Variants in DAB1 observed in about 807,000 individuals in gnomAD.
DAB1 encodes the protein DAB adaptor protein 1.
A neutral mutation model predicts 64.6 loss-of-function variants in DAB1; 15 were observed. That is an observed-to-expected ratio of 0.23 (90% CI 0.16 to 0.36). The LOEUF (loss-of-function observed/expected upper bound fraction) is 0.36, where lower values mean the gene tolerates loss of function less well. Ranked by LOEUF, DAB1 falls within the 10% of genes least tolerant of loss-of-function variation. DAB1 has a pLI of 1.00. For missense variants in DAB1, 596 were observed against 706.7 expected (o/e 0.84, Z 1.78); for synonymous variants, 235 against 251.9 (o/e 0.93, Z 0.64).
chr1:57,161,648 C>T (rs1286064119), intron 2 of DAB1, among the ~76,000 whole-genome samples: 1 of 152,016 alleles, frequency 6.6e-6, no homozygotes, highest in African/African-American at 2.4e-5. Context: ...TATTTCAGTT[C>T]TTTTAAACAA....
intron 5 of DAB1, among the ~76,000 whole-genome samples, chr1:57,951,382 T>C (rs1352435600): frequency 7.2e-6 from 1 of 138,802 alleles, no homozygotes; most frequent in Non-Finnish European, 1.6e-5. Context: ...CTAGATATTC[T>C]TTTTCCTTGC....
At chr1:57,202,993 G>A (rs1213691718) in intron 2 of DAB1, among the ~76,000 whole-genome samples, 1 of 152,190 alleles carries the variant, frequency 6.6e-6, no homozygotes, top group African/African-American at 2.4e-5. Context: ...ATGCATGTTA[G>A]TAACTCCTGA....
chr1:58,395,374 C>G (rs889381417), intron 3 of DAB1, among the ~76,000 whole-genome samples: 9 of 152,166 alleles, frequency 5.9e-5, no homozygotes, highest in African/African-American at 1.9e-4. Context: ...GCAAGTCACT[C>G]CCTTTCTCTG....
intron 7 of DAB1, among the ~76,000 whole-genome samples, chr1:57,476,943 G>T (rs1275769003): frequency 6.6e-6 from 1 of 152,180 alleles, no homozygotes; most frequent in Non-Finnish European, 1.5e-5. Context: ...TAATGGGTCT[G>T]TCACCTTCCA....
Position 57,250,124 on chromosome 1 carries a change from A to G in DAB1, c.67+40840T>C, listed in dbSNP as rs144705305. Among the ~76,000 whole-genome samples, 1,073 of 152,318 alleles carry G rather than the reference A, an allele frequency of 7.0e-3. 5 individuals are homozygous for G. The highest frequency in any genetic ancestry group is 0.014 in the Admixed American group (207 of 15,298). On this transcript the variant is annotated intron_variant, in intron 2 of 14. Coordinates refer to ENST00000371236, the MANE Select transcript of DAB1 (RefSeq NM_001365792.1). The stretch of plus-strand genomic sequence containing the variant: ...GGAAATCAAATCCCAAAGAAATAAA[A>G]GTGCTTGCCCAAGACCACAGAACTA...
At chr1:57,135,849 A>C (rs1658034638) in intron 4 of DAB1, among the ~76,000 whole-genome samples, 1 of 152,276 alleles carries the variant, frequency 6.6e-6, no homozygotes, top group East Asian at 1.9e-4. Context: ...ACACTGAATA[A>C]ATATAAGGAA....
chr1:58,516,160 C>G (rs1226726177), intron 2 of DAB1, among the ~76,000 whole-genome samples: 2 of 152,092 alleles, frequency 1.3e-5, no homozygotes, highest in Non-Finnish European at 2.9e-5. Flanking sequence ...ATCAATAATT[C>G]CCCCCACTTC....
At chr1:58,072,087 G>GT (rs920787020) in intron 5 of DAB1, among the ~76,000 whole-genome samples, 3 of 128,612 alleles carry the variant, frequency 2.3e-5, no homozygotes, top group African/African-American at 5.6e-5. Context: ...TGGTGGGGTG[G>GT]GGGGGGGTGG....
At chr1:57,123,662 A>G (rs1251132519) in intron 4 of DAB1, among the ~76,000 whole-genome samples, 1 of 152,138 alleles carries the variant, frequency 6.6e-6, no homozygotes, top group East Asian at 1.9e-4. Flanking sequence ...TACAGATAAA[A>G]CCTGCATGGC....
chr1:57,278,755 G>A (rs188328143), intron 2 of DAB1, among the ~76,000 whole-genome samples: 19 of 152,138 alleles, frequency 1.2e-4, no homozygotes, highest in African/African-American at 2.9e-4. Context: ...TTCAAATTGC[G>A]CAAGGTGTTT....
rs566785515 is a variant in DAB1 at position 57,448,637 on chromosome 1, A to G, written n.626-157471T>C. Among the ~76,000 whole-genome samples the G allele has an allele frequency of 7.2e-5, 11 of 152,278 alleles. No individual in the cohort carries two copies. In the East Asian group the frequency reaches 2.1e-3, roughly 29 times the overall value. On this transcript the variant is annotated intron_variant and non_coding_transcript_variant, in intron 7 of 20. Transcript: ENST00000485760. ...CAAAGAATAAATTCTTGATCAAGAC[A>G]TTGTACTTGCTTTCAAGAAGTGGAG...
chr1:57,804,236 T>C (rs566526881), intron 6 of DAB1, among the ~76,000 whole-genome samples: 2 of 152,206 alleles, frequency 1.3e-5, no homozygotes, highest in Non-Finnish European at 2.9e-5. Context: ...CTAAAGCTGG[T>C]ATGGAACTTA....
chr1:58,423,120 A>G (rs914532604), intron 3 of DAB1, among the ~76,000 whole-genome samples: 11 of 152,202 alleles, frequency 7.2e-5, no homozygotes, highest in African/African-American at 2.7e-4. Context: ...GATGTGCACT[A>G]CTAGTCAGGT....
At chr1:57,064,098 T>C (rs1411338572) in intron 8 of DAB1, among the ~76,000 whole-genome samples, 1 of 152,232 alleles carries the variant, frequency 6.6e-6, no homozygotes, top group African/African-American at 2.4e-5. Flanking sequence ...TGGGGAATAG[T>C]GAAGGAAAAG....
At chr1:57,677,239 A>G (rs1023380741) in intron 6 of DAB1, among the ~76,000 whole-genome samples, 6 of 152,202 alleles carry the variant, frequency 3.9e-5, no homozygotes, top group Non-Finnish European at 8.8e-5. Flanking sequence ...GAACTTTGAG[A>G]AAAATAAAAT....
chr1:57,788,290 A>G (rs1409292523), intron 6 of DAB1, among the ~76,000 whole-genome samples: 2 of 152,226 alleles, frequency 1.3e-5, no homozygotes, highest in Non-Finnish European at 2.9e-5. Context: ...TAGCCTGAGG[A>G]ATGGGTAAAA....
At chr1:57,080,174 G>A (rs1401165899) in intron 4 of DAB1, among the ~76,000 whole-genome samples, 1 of 152,126 alleles carries the variant, frequency 6.6e-6, no homozygotes, top group African/African-American at 2.4e-5. Flanking sequence ...TTTATCTCCA[G>A]AAAATTTTTG....
chr1:57,138,372 C>T (rs559410622), intron 3 of DAB1, among the ~76,000 whole-genome samples: 1 of 152,274 alleles, frequency 6.6e-6, no homozygotes, highest in East Asian at 1.9e-4. Context: ...CTCAGCTCTC[C>T]TAGCACTTGG....
At chr1:57,074,383 A>T (rs954267845) in intron 4 of DAB1, among the ~76,000 whole-genome samples, 3 of 152,120 alleles carry the variant, frequency 2.0e-5, no homozygotes, top group African/African-American at 7.2e-5. Context: ...ACTGGAGTAG[A>T]TACTCTCTAA....
Sources: gnomAD v4.1 joint callset for allele counts (sites outside exome capture counted in the v4.1 genomes callset) on GRCh38, gnomAD v4.1.1 for gene constraint, MANE v1.5 for transcripts, NCBI Gene and HGNC (gene_info 2026-07-23, HGNC 2026-07-21) for gene names.